The following NDUFAF5 variants were observed in gnomAD, a reference collection of about 807,000 sequenced individuals.
The protein encoded by NDUFAF5 is arginine-hydroxylase NDUFAF5, mitochondrial.
A neutral mutation model predicts 48.9 loss-of-function variants in NDUFAF5; 34 were observed. The observed-to-expected ratio is 0.70, with a 90% CI of 0.53 to 0.93. NDUFAF5 has a LOEUF of 0.93. NDUFAF5 is among the 40% of genes least tolerant of loss of function. The probability of loss-of-function intolerance (pLI) is 0.00; values close to 1 mark genes in which losing one functional copy is unlikely to be tolerated. For synonymous variants in NDUFAF5, 153 were observed against 150.6 expected (o/e 1.02, Z -0.12); for missense variants, 428 against 427.5 (o/e 1.00, Z -0.01).
intron 8 of NDUFAF5, among the ~76,000 whole-genome samples, chr20:13,811,793 AG>A (rs145427151): frequency 1.3e-5 from 2 of 152,244 alleles, no homozygotes; most frequent in East Asian, 3.9e-4. Flanking sequence ...GGAATTTGTG[AG>A]GTGGTTCTTT....
intron 5 of NDUFAF5, among the ~76,000 whole-genome samples, chr20:13,796,992 T>G (rs1983332437): frequency 1.3e-5 from 2 of 152,028 alleles, no homozygotes; most frequent in Non-Finnish European, 2.9e-5. Context: ...AGGAAAAAAT[T>G]TAAGAGATTA....
In NDUFAF5 at chr20:13,798,320, T is replaced by A. The variant is rs181257352; in HGVS notation, c.480-141T>A. 2.0e-5 allele frequency: 14 copies of A among 706,114 alleles called. 1 individual carries two copies. Among genetic ancestry groups the A allele is most frequent in the Admixed American group, 1.7e-4 (8 of 47,108 alleles). 43.7% of individuals were successfully genotyped at this position (706,114 alleles called of 1,614,324 possible). A position where few individuals can be genotyped will look rare whatever the true frequency, so the allele number is the denominator to read the frequency against. On this transcript the variant is annotated intron_variant, in intron 5 of 10. Coordinates refer to ENST00000378106, the MANE Select transcript of NDUFAF5 (RefSeq NM_024120.5). ...AATATTTATAATTTTAAAACCTGTA[T>A]GAAAACGATCAGTGGATTTGGATAT...
chr20:13,820,309 G>T lies in NDUFAF5; in HGVS notation c.*3099G>T, dbSNP rs947112555. 3.3e-5 allele frequency: 5 copies of T among 152,200 alleles called. No homozygotes were observed. The highest frequency in any genetic ancestry group is 1.2e-4 in the African/African-American group (5 of 41,434). The allele number at this position is 152,200 out of a possible 1,614,324, so 9.4% of individuals were successfully genotyped here. On this transcript the variant is annotated 3_prime_UTR_variant, in exon 11 of 11. Transcript: ENST00000378106. ...AGTGTGTGAGTCATGAAGTACCTGT[G>T]AGGGAAGTTTATATATTTTTTCAAA...
In NDUFAF5 at chr20:13,817,737, T is replaced by G. The variant is rs1986649577; in HGVS notation, c.*527T>G. The G allele has an allele frequency of 2.2e-6, 1 of 454,122 alleles. No individual in the cohort carries two copies. 28.1% of individuals were successfully genotyped at this position (454,122 alleles called of 1,614,324 possible). Reference sequence around the variant, plus strand: ...ACCACCATGGTTTTACACCCCACCCTACCTTAGGGAAGAAGAAAACATTTT... The same window carrying G: ...ACCACCATGGTTTTACACCCCACCCGACCTTAGGGAAGAAGAAAACATTTT... On this transcript the variant is annotated 3_prime_UTR_variant, in exon 11 of 11. Transcript: ENST00000378106.
At chr20:13,807,047 ATT>A (rs11474866) in intron 7 of NDUFAF5, among the ~76,000 whole-genome samples, 282 of 134,508 alleles carry the variant, frequency 2.1e-3, no homozygotes, top group Admixed American at 2.4e-3. Flanking sequence ...ACACCCAGCA[ATT>A]TTTTTTTTTT....
chr20:13,790,256 TGAGA>T, intron 3 of NDUFAF5, among the ~76,000 whole-genome samples: 1 of 152,250 alleles, frequency 6.6e-6, no homozygotes, highest in East Asian at 1.9e-4. Flanking sequence ...ATGGGATGTA[TGAGA>T]GAGACCTGGA....
rs776063304 is a variant in NDUFAF5, at chr20:13,785,042, C to G, written c.-27C>G. ...CGCGCTGGCGCATGCGCACAAAAAGCGCCGGCAATTGGGGTCGCAGCTGGA... is the reference window on the plus strand; with the variant it reads ...CGCGCTGGCGCATGCGCACAAAAAGGGCCGGCAATTGGGGTCGCAGCTGGA... On this transcript the variant is annotated 5_prime_UTR_variant, in exon 1 of 11. Coordinates refer to ENST00000378106, the MANE Select transcript of NDUFAF5 (RefSeq NM_024120.5). 5 of 1,594,890 alleles carry G rather than the reference C, an allele frequency of 3.1e-6. No homozygotes were observed. Among genetic ancestry groups the G allele is most frequent in the South Asian group, 2.2e-5 (2 of 89,614 alleles).
In NDUFAF5 at chr20:13,785,296, CCCG is replaced by C; in HGVS notation, c.222+8_222+10del. The C allele has an allele frequency of 6.7e-7, 1 of 1,484,866 alleles. No homozygotes were observed. The highest frequency in any genetic ancestry group is 1.2e-5 in the South Asian group (1 of 86,418). 92.0% of individuals were successfully genotyped at this position (1,484,866 alleles called of 1,614,324 possible). A position where few individuals can be genotyped will look rare whatever the true frequency, so the allele number is the denominator to read the frequency against. ...TTGACTACCTGAAGGAGGAGGTGAG[CCCG>C]CGGGGCGGCGGGGCGGCGGGGCGGG... On this transcript the variant is annotated splice_region_variant and intron_variant, in intron 1 of 10. Coordinates refer to ENST00000378106, the MANE Select transcript of NDUFAF5 (RefSeq NM_024120.5).
At chr20:13,795,063 C>T (rs904001670) in intron 5 of NDUFAF5, 122 bp downstream of exon 5, 12 of 699,216 alleles carry the variant, frequency 1.7e-5, no homozygotes, top group East Asian at 2.8e-5. Flanking sequence ...GAGGCCGAGG[C>T]GAGTGAATCT....
chr20:13,800,135 C>T (rs1356197468), intron 6 of NDUFAF5, among the ~76,000 whole-genome samples: 1 of 151,944 alleles, frequency 6.6e-6, no homozygotes, highest in African/African-American at 2.4e-5. Flanking sequence ...GAGAAGATGG[C>T]CAAGCTGAAG....
chr20:13,812,093 C>T (rs999059309), intron 8 of NDUFAF5, among the ~76,000 whole-genome samples: 1 of 152,190 alleles, frequency 6.6e-6, no homozygotes, highest in South Asian at 2.1e-4. Context: ...GAATTAGCTG[C>T]CAAACTCATG....
Position 13,818,795 on chromosome 20 carries a change from C to G in NDUFAF5, c.*1585C>G, listed in dbSNP as rs1344001271. The stretch of plus-strand genomic sequence containing the variant: ...ACATCTCAGTGTTAAGTGGCTGTTG[C>G]TGAGGAAGGGGACTGAGGAACTGGG... On this transcript the variant is annotated 3_prime_UTR_variant, in exon 11 of 11. Transcript: ENST00000378106. The G allele has an allele frequency of 6.4e-6, 1 of 155,418 alleles. No homozygotes were observed. The highest frequency in any genetic ancestry group is 1.4e-5 in the Non-Finnish European group (1 of 70,284). 9.6% of individuals were successfully genotyped at this position (155,418 alleles called of 1,614,324 possible).
At position 13,817,882 on chromosome 20, in the gene NDUFAF5, CTGT is replaced by C. The variant is rs1415501327; in HGVS notation, c.*679_*681del. ...ATTATCCTAATCCAAGTTCACAGTCCTGTTGTTGTCGAGGAGGGTTCAAAATCA... is the reference window on the plus strand; with the variant it reads ...ATTATCCTAATCCAAGTTCACAGTCCTGTTGTCGAGGAGGGTTCAAAATCA... On this transcript the variant is annotated 3_prime_UTR_variant, in exon 11 of 11. Transcript: ENST00000378106. 4 of 453,936 alleles carry C rather than the reference CTGT, an allele frequency of 8.8e-6. No individual in the cohort carries two copies. Among genetic ancestry groups the C allele is most frequent in the African/African-American group, 2.0e-5 (1 of 49,986 alleles). 28.1% of individuals were successfully genotyped at this position (453,936 alleles called of 1,614,324 possible).
rs1482594561 is a variant in NDUFAF5 at position 13,820,208 on chromosome 20, A to T, written c.*2998A>T. On this transcript the variant is annotated 3_prime_UTR_variant, in exon 11 of 11. Transcript: ENST00000378106. The stretch of plus-strand genomic sequence containing the variant: ...ACAAAAGAATTTTTGCTTTATAGGA[A>T]GAATTTGTAGGATTTATTGAGATGT... 1 of 152,228 alleles carries T rather than the reference A, an allele frequency of 6.6e-6. No individual in the cohort carries two copies. The highest frequency in any genetic ancestry group is 1.5e-5 in the Non-Finnish European group (1 of 68,038). The allele number at this position is 152,228 out of a possible 1,614,324, so 9.4% of individuals were successfully genotyped here.
intron 5 of NDUFAF5, among the ~76,000 whole-genome samples, 194 bp from the exon 6 acceptor site, chr20:13,798,267 T>A (rs879898009): frequency 3.9e-5 from 6 of 152,218 alleles, no homozygotes; most frequent in Admixed American, 3.9e-4. Context: ...AATTTTCTGG[T>A]GTGACACAAG....
chr20:13,800,537 C>T (rs1431845836), intron 6 of NDUFAF5, among the ~76,000 whole-genome samples: 1 of 152,166 alleles, frequency 6.6e-6, no homozygotes, highest in East Asian at 1.9e-4. Flanking sequence ...CTGGAATTCT[C>T]TCTGGCCATT....
intron 8 of NDUFAF5, chr20:13,814,536 AAAC>A: frequency 8.7e-7 from 1 of 1,153,362 alleles, no homozygotes; most frequent in African/African-American, 1.6e-5. Flanking sequence ...TTATTTTTTT[AAAC>A]AATACTCAGT....
At chr20:13,809,113 AC>A in intron 8 of NDUFAF5, 1 of 579,922 alleles carries the variant, frequency 1.7e-6, no homozygotes. Context: ...GGCAGCTGTC[AC>A]AGAGATAAGT....
chr20:13,813,422 C>A (rs1986105582), intron 8 of NDUFAF5, among the ~76,000 whole-genome samples: 1 of 152,126 alleles, frequency 6.6e-6, no homozygotes, highest in Admixed American at 6.5e-5. Context: ...TGATATTTAA[C>A]AAAATAGATA....
Sources: gnomAD v4.1 joint callset for allele counts (sites outside exome capture counted in the v4.1 genomes callset) on GRCh38, gnomAD v4.1.1 for gene constraint, MANE v1.5 for transcripts, NCBI Gene and HGNC (gene_info 2026-07-23, HGNC 2026-07-21) for gene names.